SMC4: variants seen among roughly 807,000 people sequenced by gnomAD.
SMC4 encodes structural maintenance of chromosomes protein 4.
SMC4 carries 87 observed loss-of-function variants against 145.6 expected under a neutral mutation model. The ratio of observed to expected loss-of-function variants is 0.60; its 90% CI spans 0.50 to 0.71. SMC4 has a LOEUF of 0.71. Among genes scored for constraint, SMC4 ranks in the 30% least tolerant of loss-of-function variants. The pLI is 0.00. For missense variants in SMC4, 1,447 were observed against 1,537.1 expected, an observed-to-expected ratio of 0.94 and a Z score of 0.98; for synonymous variants, 558 against 500.7, an observed-to-expected ratio of 1.11 and a Z score of -1.53.
intron 11 of SMC4, 118 bp downstream of exon 11, chr3:160,418,074 A>T: frequency 1.3e-6 from 1 of 788,772 alleles, no homozygotes; most frequent in Non-Finnish European, 2.0e-6. Flanking sequence ...CATTTTGTAT[A>T]ATCTCAAAAG....
At chr3:160,407,886 A>G (rs1459841233) in intron 5 of SMC4, among the ~76,000 whole-genome samples, 1 of 152,194 alleles carries the variant, frequency 6.6e-6, no homozygotes, top group Non-Finnish European at 1.5e-5. Flanking sequence ...TCCAGCTACT[A>G]ACAAGTTACT....
chr3:160,431,530 A>G (rs1171466397), intron 20 of SMC4, 113 bp from the exon 21 acceptor site: 1 of 806,574 alleles, frequency 1.2e-6, no homozygotes, highest in Admixed American at 3.0e-5. Flanking sequence ...TTGATAAATC[A>G]GTCACAACTC....
intron 5 of SMC4, among the ~76,000 whole-genome samples, chr3:160,406,912 A>G (rs1336444706): frequency 1.3e-5 from 2 of 152,206 alleles, no homozygotes; most frequent in Non-Finnish European, 2.9e-5. Flanking sequence ...ACATGCCTTC[A>G]AAAAGTTTGT....
chr3:160,410,300 G>T (rs1044540861), intron 5 of SMC4, among the ~76,000 whole-genome samples: 1 of 152,088 alleles, frequency 6.6e-6, no homozygotes, highest in Non-Finnish European at 1.5e-5. Context: ...CCACAACAAA[G>T]AATATCCAGC....
rs748570033 is a variant in SMC4 at position 160,413,526 on chromosome 3, A to T, written c.1034A>T (p.His345Leu). 6.3e-7 allele frequency: 1 copy of T among 1,591,528 alleles called. No individual in the cohort carries two copies. The highest frequency in any genetic ancestry group is 1.2e-5 in the South Asian group (1 of 86,544). ...ATGGAAACTCAAAAGGAAAAAATTC[A>T]TGAAGATACCAAAGAAATTAATGAG... ...AEMETQKEKI[H>L]EDTKEINEKS... The change falls in exon 8 of 24, where the codon CAT becomes CTT. Residue 345 changes from histidine to leucine, a missense_variant. Physicochemically the swap from His to Leu is moderately conservative, Grantham distance 99. Transcript: ENST00000357388.
In SMC4 at chr3:160,400,819, C is replaced by G. The variant is rs753330453; in HGVS notation, c.-5-3C>G. On this transcript the variant is annotated splice_polypyrimidine_tract_variant and splice_region_variant and intron_variant, in intron 1 of 23. Transcript: ENST00000357388. ...CTTGCTCCCGGCTGTCCCCCGGCCC[C>G]AGCGACCATGCCCCGTAAAGGCACC... The G allele has an allele frequency of 9.2e-6, 14 of 1,524,348 alleles. No homozygotes were observed. Among genetic ancestry groups the G allele is most frequent in the Non-Finnish European group, 1.1e-5 (13 of 1,145,918 alleles). The allele number at this position is 1,524,348 out of a possible 1,614,324, so 94.4% of individuals were successfully genotyped here.
chr3:160,409,694 C>A (rs1170732007), intron 5 of SMC4, among the ~76,000 whole-genome samples: 1 of 152,088 alleles, frequency 6.6e-6, no homozygotes, highest in Admixed American at 6.6e-5. Context: ...TTCAGATATT[C>A]TCCTTGAATT....
chr3:160,419,032 A>G (rs1716886911), intron 11 of SMC4, among the ~76,000 whole-genome samples: 2 of 152,194 alleles, frequency 1.3e-5, no homozygotes, highest in African/African-American at 4.8e-5. Flanking sequence ...ATTAGGGCAC[A>G]CTTATGTATA....
rs754818443 is a variant in SMC4, at chr3:160,404,529, A to G, written c.687+25A>G. ...GGTAAGTTTATTAAAGACTTCAAAG[A>G]TTCTCTTATTCTTGTTACTTTTTTT... On this transcript the variant is annotated intron_variant, in intron 5 of 23. Transcript: ENST00000357388. The G allele has an allele frequency of 3.1e-6, 5 of 1,598,414 alleles. No individual in the cohort carries two copies. The South Asian group carries it at 5.6e-5, about 18-fold the overall frequency.
At chr3:160,424,360 A>G (rs1056789117) in intron 15 of SMC4, among the ~76,000 whole-genome samples, 12 of 152,194 alleles carry the variant, frequency 7.9e-5, no homozygotes, top group East Asian at 1.9e-4. Flanking sequence ...CTGCTTAAGT[A>G]TTTGAATGCT....
chr3:160,426,199 A>T lies in SMC4; in HGVS notation c.2604A>T (p.Thr868=). Residue 868 remains threonine (T), a splice_region_variant and synonymous_variant, in exon 17 of 24, where the codon ACA becomes ACT. Transcript: ENST00000357388. The stretch of plus-strand genomic sequence containing the variant: ...AAGAAAACGTTAGTGCTTTCAAAAC[A>T]GGTATGTTTAGAGATAGACCTTTTT... The part of the protein sequence containing the change: ...LLEENVSAFK[T]EYDAVAEKAG... The T allele has an allele frequency of 6.2e-7, 1 of 1,601,922 alleles. No homozygotes were observed. The highest frequency in any genetic ancestry group is 8.5e-7 in the Non-Finnish European group (1 of 1,175,816).
rs921244073 is a variant in SMC4 at position 160,434,473 on chromosome 3, T to G, written c.*664T>G. ...TAAGATGGCCTCTGATTTACACTGG[T>G]TCAATTTACAAATTTTCAACTTTAT... On this transcript the variant is annotated 3_prime_UTR_variant, in exon 24 of 24. Transcript: ENST00000357388. The G allele has an allele frequency of 6.6e-6, 1 of 152,324 alleles. No homozygotes were observed. The highest frequency in any genetic ancestry group is 2.1e-4 in the South Asian group (1 of 4,826). The allele number at this position is 152,324 out of a possible 1,614,324, so 9.4% of individuals were successfully genotyped here.
At chr3:160,409,904 C>CA (rs1433478894) in intron 5 of SMC4, among the ~76,000 whole-genome samples, 8 of 151,804 alleles carry the variant, frequency 5.3e-5, no homozygotes, top group African/African-American at 1.5e-4. Flanking sequence ...ACCATGTGTA[C>CA]AAAAAAAATT....
intron 10 of SMC4, 28 bp from the exon 11 acceptor site, chr3:160,417,695 C>T: frequency 6.5e-7 from 1 of 1,529,074 alleles, no homozygotes; most frequent in South Asian, 1.1e-5. Context: ...AATATCTGTC[C>T]AGATTTAATG....
intron 13 of SMC4, among the ~76,000 whole-genome samples, chr3:160,421,290 T>C (rs1717150854): frequency 6.6e-6 from 1 of 152,176 alleles, no homozygotes; most frequent in Non-Finnish European, 1.5e-5. Context: ...TTTTTCTTAA[T>C]GGTTACTCAG....
In SMC4 at chr3:160,423,670, T is replaced by G. The variant is rs1227973731; in HGVS notation, c.2245+20T>G. On this transcript the variant is annotated intron_variant, in intron 14 of 23. Coordinates refer to ENST00000357388, the MANE Select transcript of SMC4 (RefSeq NM_001002800.3). ...AGTCAGGTAATAGTGTTTTTGTTTC[T>G]TGGTTTGTTTTTTTTTCCCCCCACA... is the stretch of plus-strand genomic sequence containing the variant. The G allele has an allele frequency of 6.2e-7, 1 of 1,600,246 alleles. No individual in the cohort carries two copies. The highest frequency in any genetic ancestry group is 1.1e-5 in the South Asian group (1 of 88,200).
chr3:160,424,947 A>T lies in SMC4; in HGVS notation c.2406A>T (p.Glu802Asp). ...QIQEQKVQLE[E>D]RVVKLRHSER... ...AAGAACAGAAAGTACAACTTGAAGA[A>T]AGAGTAGTTAAGTTACGGCATAGTG... The change falls in exon 16 of 24, where the codon GAA (glutamate) becomes GAT (aspartate). Residue 802 changes from glutamate (E) to aspartate (D), a missense_variant. Physicochemically the swap from Glu to Asp is conservative, Grantham distance 45. Coordinates refer to ENST00000357388, the MANE Select transcript of SMC4 (RefSeq NM_001002800.3). The T allele has an allele frequency of 1.2e-6, 2 of 1,614,000 alleles. No homozygotes were observed. Among genetic ancestry groups the T allele is most frequent in the Non-Finnish European group, 1.7e-6 (2 of 1,179,980 alleles).
At chr3:160,424,155 T>C (rs1717511796) in intron 15 of SMC4, among the ~76,000 whole-genome samples, 1 of 152,212 alleles carries the variant, frequency 6.6e-6, no homozygotes, top group African/African-American at 2.4e-5. Flanking sequence ...ATTATTGCTG[T>C]ATTACATAAT....
intron 5 of SMC4, among the ~76,000 whole-genome samples, chr3:160,405,503 A>G (rs956534640): frequency 6.6e-6 from 1 of 152,050 alleles, no homozygotes; most frequent in Non-Finnish European, 1.5e-5. Flanking sequence ...TCCTAATAAC[A>G]AACTTATAAA....
Sources: gnomAD v4.1 joint callset for allele counts (sites outside exome capture counted in the v4.1 genomes callset) on GRCh38, gnomAD v4.1.1 for gene constraint, MANE v1.5 for transcripts, NCBI Gene and HGNC (gene_info 2026-07-23, HGNC 2026-07-21) for gene names.